DIP2B: variants seen among roughly 807,000 people sequenced by gnomAD.
DIP2B encodes DIP2 acetate--CoA ligase B (putative), also known as disco-interacting protein 2 homolog B.
DIP2B carries 76 observed loss-of-function variants against 198.0 expected under a neutral mutation model. The ratio of observed to expected loss-of-function variants is 0.38; its 90% CI spans 0.32 to 0.46. DIP2B has a LOEUF of 0.46. Ranked by LOEUF, DIP2B falls within the 20% of genes least tolerant of loss-of-function variation. The pLI is 0.99. For missense variants in DIP2B, 1,559 were observed against 1,978.4 expected (o/e 0.79, Z 4.02); for synonymous variants, 701 against 739.1 (o/e 0.95, Z 0.84).
chr12:50,540,523 T>C (rs539924104), intron 1 of DIP2B, among the ~76,000 whole-genome samples: 18 of 151,174 alleles, frequency 1.2e-4, no homozygotes, highest in Non-Finnish European at 2.2e-4. Flanking sequence ...AATCTCTGGA[T>C]AGGACATTAT....
intron 5 of DIP2B, among the ~76,000 whole-genome samples, chr12:50,672,811 T>A (rs1389241554): frequency 6.6e-6 from 1 of 152,190 alleles, no homozygotes; most frequent in Non-Finnish European, 1.5e-5. Flanking sequence ...ATATGTAAGG[T>A]TTTGGTTTTG....
chr12:50,545,930 C>T (rs924241838), intron 1 of DIP2B, among the ~76,000 whole-genome samples: 14 of 152,054 alleles, frequency 9.2e-5, no homozygotes, highest in African/African-American at 2.9e-4. Context: ...TCACTGTGCC[C>T]GGCCTAAAAT....
chr12:50,566,113 G>A (rs1418274763), intron 1 of DIP2B, among the ~76,000 whole-genome samples: 1 of 152,024 alleles, frequency 6.6e-6, no homozygotes, highest in Non-Finnish European at 1.5e-5. Flanking sequence ...CATGATTATG[G>A]CTCATTGCAG....
intron 1 of DIP2B, among the ~76,000 whole-genome samples, chr12:50,553,262 T>A (rs1318583109): frequency 6.6e-6 from 1 of 152,250 alleles, no homozygotes; most frequent in East Asian, 1.9e-4. Flanking sequence ...CTTGGCACCC[T>A]TTCATGTAAG....
At chr12:50,650,159 A>C (rs1372798542) in intron 3 of DIP2B, among the ~76,000 whole-genome samples, 1 of 152,102 alleles carries the variant, frequency 6.6e-6, no homozygotes. Flanking sequence ...GCAGTGAGCC[A>C]AGATCATGCC....
intron 9 of DIP2B, 104 bp downstream of exon 9, chr12:50,680,867 T>A (rs2139534930): frequency 1.9e-6 from 2 of 1,078,338 alleles, no homozygotes; most frequent in South Asian, 1.4e-5. Context: ...AAAATTTATG[T>A]AACTCTTATT....
At chr12:50,625,052 C>T (rs1318267409) in intron 1 of DIP2B, among the ~76,000 whole-genome samples, 3 of 151,934 alleles carry the variant, frequency 2.0e-5, no homozygotes, top group African/African-American at 7.2e-5. Context: ...GACTTTTTTT[C>T]CTGTTTTATA....
intron 15 of DIP2B, 152 bp downstream of exon 15, chr12:50,695,512 A>G (rs1435592691): frequency 1.0e-5 from 8 of 778,300 alleles, no homozygotes; most frequent in Non-Finnish European, 1.7e-5. Flanking sequence ...TTGCCTGTTC[A>G]TCTCACTGAT....
intron 5 of DIP2B, among the ~76,000 whole-genome samples, chr12:50,673,716 G>T (rs993763233): frequency 6.6e-6 from 1 of 152,158 alleles, no homozygotes; most frequent in African/African-American, 2.4e-5. Context: ...AGCCCAGGAG[G>T]TTGAGGCTGT....
At chr12:50,673,560 G>A (rs1348580141) in intron 5 of DIP2B, among the ~76,000 whole-genome samples, 2 of 152,188 alleles carry the variant, frequency 1.3e-5, no homozygotes, top group African/African-American at 4.8e-5. Context: ...GCATTGGTGG[G>A]AGGATTGCTT....
intron 1 of DIP2B, among the ~76,000 whole-genome samples, chr12:50,598,433 CT>C (rs1958897419): frequency 6.6e-6 from 1 of 151,958 alleles, no homozygotes; most frequent in Non-Finnish European, 1.5e-5. Context: ...CCTCAACCCC[CT>C]GATTCCATCC....
chr12:50,647,955 A>G (rs917321595), intron 3 of DIP2B, among the ~76,000 whole-genome samples: 1 of 152,078 alleles, frequency 6.6e-6, no homozygotes, highest in Admixed American at 6.5e-5. Flanking sequence ...AAAATACAAA[A>G]ATTAGCCAGG....
At chr12:50,714,088 C>G (rs2139576600) in intron 22 of DIP2B, among the ~76,000 whole-genome samples, 1 of 152,266 alleles carries the variant, frequency 6.6e-6, no homozygotes, top group Non-Finnish European at 1.5e-5. Context: ...AGAATGAGAC[C>G]CTGTCTCTAA....
At chr12:50,630,013 G>A (rs552605975) in intron 2 of DIP2B, among the ~76,000 whole-genome samples, 1 of 149,722 alleles carries the variant, frequency 6.7e-6, no homozygotes, top group African/African-American at 2.5e-5. Context: ...GCAGTGGCGC[G>A]ATCTCGGCTC....
At chr12:50,716,904 G>A (rs79948534) in intron 23 of DIP2B, among the ~76,000 whole-genome samples, 3 of 144,820 alleles carry the variant, frequency 2.1e-5, no homozygotes, top group South Asian at 2.3e-4. Context: ...AAAGTTAGAC[G>A]AATAGTATAG....
At chr12:50,730,090 T>A (rs1940011712) in intron 30 of DIP2B, among the ~76,000 whole-genome samples, 1 of 152,178 alleles carries the variant, frequency 6.6e-6, no homozygotes. Flanking sequence ...TCACCTGAAC[T>A]ATTGCAGCCT....
intron 1 of DIP2B, among the ~76,000 whole-genome samples, chr12:50,518,765 G>GT (rs869174033): frequency 6.6e-6 from 1 of 151,260 alleles, no homozygotes; most frequent in Non-Finnish European, 1.5e-5. Context: ...GTTTTTGTTT[G>GT]TTTTTTTGAG....
chr12:50,708,560 C>T lies in DIP2B; in HGVS notation c.2647C>T (p.Gln883Ter). The T allele has an allele frequency of 6.3e-7, 1 of 1,583,100 alleles. No homozygotes were observed. The highest frequency in any genetic ancestry group is 8.6e-7 in the Non-Finnish European group (1 of 1,162,874). ...TTTCCAGTGGATGAGCCGCGTGCTG[C>T]AGGTGAGCACACTTTGGGGTCTGTG... ...DSFQWMSRVL[Q>*]AIDSIHQVGV... The change falls in exon 22 of 38, where the codon CAG (glutamine) becomes TAG (stop). Residue 883 changes from glutamine to a stop codon, truncating the protein, a stop_gained and splice_region_variant. Transcript: ENST00000301180. LOFTEE classifies it high-confidence loss of function.
In DIP2B at chr12:50,745,861, CTG is replaced by C. The variant is rs1421093393; in HGVS notation, c.*1026_*1027del. ...TCCTCTTTTCCAGGCACATTGTAAACTGTGTCTACAGTTTATCCATATAACTT... is the reference window on the plus strand; with the variant it reads ...TCCTCTTTTCCAGGCACATTGTAAACTGTCTACAGTTTATCCATATAACTT... On this transcript the variant is annotated 3_prime_UTR_variant, in exon 38 of 38. Coordinates refer to ENST00000301180, the MANE Select transcript of DIP2B (RefSeq NM_173602.3). The C allele has an allele frequency of 6.6e-6, 1 of 152,212 alleles. No homozygotes were observed. The highest frequency in any genetic ancestry group is 1.5e-5 in the Non-Finnish European group (1 of 68,036). 9.4% of individuals were successfully genotyped at this position (152,212 alleles called of 1,614,324 possible). A position where few individuals can be genotyped will look rare whatever the true frequency, so the allele number is the denominator to read the frequency against.
Sources: gnomAD v4.1 joint callset for allele counts (sites outside exome capture counted in the v4.1 genomes callset) on GRCh38, gnomAD v4.1.1 for gene constraint, MANE v1.5 for transcripts, NCBI Gene and HGNC (gene_info 2026-07-23, HGNC 2026-07-21) for gene names.